The following GSDMB variants were observed in gnomAD, a reference collection of about 807,000 sequenced individuals.
GSDMB encodes the protein gasdermin B.
Under a neutral mutation model 42.9 loss-of-function variants are expected in GSDMB, and 32 were observed. The ratio of observed to expected loss-of-function variants is 0.75; its 90% CI spans 0.56 to 1.00. GSDMB has a LOEUF of 1.00. Ranked by LOEUF, GSDMB falls within the 50% of genes least tolerant of loss-of-function variation. The pLI is 0.00. For synonymous variants in GSDMB, 175 were observed against 193.7 expected (o/e 0.90, Z 0.80); for missense variants, 468 against 498.5 (o/e 0.94, Z 0.58).
At position 39,918,579 on chromosome 17, in the gene GSDMB, A is replaced by C. The variant is rs1315437131; in HGVS notation, c.-60T>G. On this transcript the variant is annotated 5_prime_UTR_variant, in exon 1 of 11. Coordinates refer to ENST00000418519, the MANE Select transcript of GSDMB (RefSeq NM_001165958.2). Reference sequence around the variant, plus strand: ...TTCACCAGAAATGGAAGTTGTGAGAATCCCCACAGATCTCTGCACAGTTCC... The same window carrying C: ...TTCACCAGAAATGGAAGTTGTGAGACTCCCCACAGATCTCTGCACAGTTCC... 1 of 152,352 alleles carries C rather than the reference A, an allele frequency of 6.6e-6. No homozygotes were observed. The highest frequency in any genetic ancestry group is 1.5e-5 in the Non-Finnish European group (1 of 68,092). 9.4% of individuals were successfully genotyped at this position (152,352 alleles called of 1,614,324 possible).
chr17:39,905,856 C>A lies in GSDMB; in HGVS notation c.1018G>T (p.Ala340Ser), dbSNP rs1466928660. The change falls in exon 9 of 11, where the codon GCC becomes TCC. Residue 340 changes from alanine to serine, a missense_variant. Ala to Ser is a moderately conservative substitution (Grantham distance 99). Transcript: ENST00000418519. ...RAKAILDFLD[A>S]LLELSEEQQF... The stretch of plus-strand genomic sequence containing the variant: ...CGAGACCCTTCCTCACCTAGCAGGG[C>A]ATCCAGGAAGTCCAGAATGGCTTTT... The A allele has an allele frequency of 3.1e-6, 5 of 1,613,838 alleles. No individual in the cohort carries two copies. The highest frequency in any genetic ancestry group is 4.2e-6 in the Non-Finnish European group (5 of 1,179,884).
chr17:39,908,275 G>A, intron 5 of GSDMB, 61 bp from the exon 6 acceptor site: 1 of 793,628 alleles, frequency 1.3e-6, no homozygotes, highest in Non-Finnish European at 2.1e-6. Context: ...TTATCACTCT[G>A]TAAGTTCCCT....
intron 2 of GSDMB, among the ~76,000 whole-genome samples, chr17:39,914,298 G>A (rs1285597847): frequency 6.6e-6 from 1 of 152,120 alleles, no homozygotes; most frequent in African/African-American, 2.4e-5. Flanking sequence ...ACAGAGGGAC[G>A]TTCTACAGTA....
chr17:39,906,901 C>T, intron 7 of GSDMB, 60 bp downstream of exon 7: 1 of 1,612,368 alleles, frequency 6.2e-7, no homozygotes. Flanking sequence ...AGTCTTGAGC[C>T]ACATGGACTC....
At chr17:39,906,574 G>C in intron 7 of GSDMB, 2 of 1,345,736 alleles carry the variant, frequency 1.5e-6, no homozygotes, top group Non-Finnish European at 9.5e-7. Flanking sequence ...TCAAAGTGCA[G>C]TCCTCAGGCC....
At chr17:39,911,835 G>A (rs1397469494) in intron 3 of GSDMB, among the ~76,000 whole-genome samples, 2 of 152,104 alleles carry the variant, frequency 1.3e-5, no homozygotes, top group African/African-American at 4.8e-5. Flanking sequence ...GAGAGCAAAG[G>A]AGAGTGCCTC....
chr17:39,909,037 T>C lies in GSDMB; in HGVS notation c.582A>G (p.Gln194=), dbSNP rs879331025. ...GATTTGGGGGGATGGTCACTTCCCT[T>C]TGGCCCTAGAAAAAGGAGCTCACAT... ...QGHLSYKHKG[Q]REVTIPPNRV... Residue 194 remains glutamine (Q), a synonymous_variant, in exon 5 of 11, where the codon CAA becomes CAG. Transcript: ENST00000418519. 1.9e-6 allele frequency: 3 copies of C among 1,591,882 alleles called. No homozygotes were observed. The highest frequency in any genetic ancestry group is 1.8e-5 in the Admixed American group (1 of 55,454).
Position 39,909,900 on chromosome 17 carries a change from A to G in GSDMB, c.432T>C (p.Phe144=). The change falls in exon 4 of 11, where the codon TTT becomes TTC. Residue 144 remains phenylalanine, a synonymous_variant. Transcript: ENST00000418519. The part of the protein sequence containing the change: ...ENRKLKRELP[F]SFRSINTREN... ...CTCTCGTATTAATTGATCGGAATGA[A>G]AAGGGTAGTTCCCTCTTCAGCTTCC... 1 of 1,613,938 alleles carries G rather than the reference A, an allele frequency of 6.2e-7. No homozygotes were observed. The highest frequency in any genetic ancestry group is 8.5e-7 in the Non-Finnish European group (1 of 1,179,800).
chr17:39,917,412 G>A, intron 1 of GSDMB, 82 bp from the exon 2 acceptor site: 1 of 817,360 alleles, frequency 1.2e-6, no homozygotes, highest in Admixed American at 2.0e-5. Context: ...GGCAGCCTGA[G>A]GTGTCAGGCC....
At chr17:39,909,404 A>C (rs1170430441) in intron 4 of GSDMB, 2 of 372,430 alleles carry the variant, frequency 5.4e-6, no homozygotes, top group Non-Finnish European at 9.7e-6. Context: ...GGAAATGTAC[A>C]AAGAAAATGA....
chr17:39,908,821 T>C, intron 5 of GSDMB, 137 bp downstream of exon 5: 1 of 684,722 alleles, frequency 1.5e-6, no homozygotes, highest in South Asian at 1.7e-5. Flanking sequence ...GAACCCACCC[T>C]TTTCCCTGGA....
rs1177728768 is a variant in GSDMB at position 39,906,469 on chromosome 17, C to G, written c.728-198G>C. 1.3e-5 allele frequency: 13 copies of G among 1,030,304 alleles called. 1 individual carries two copies. In the East Asian group the frequency reaches 3.5e-4, roughly 27 times the overall value. The allele number at this position is 1,030,304 out of a possible 1,614,324, so 63.8% of individuals were successfully genotyped here. On this transcript the variant is annotated intron_variant, in intron 7 of 10. Transcript: ENST00000418519. ...CTCCCACTGACCCCACTTCCATCTT[C>G]CATCTCCCCAGCTCACCCCCAGTCT...
chr17:39,906,060 C>T, intron 8 of GSDMB, 51 bp downstream of exon 8: 2 of 1,564,502 alleles, frequency 1.3e-6, no homozygotes, highest in Non-Finnish European at 8.8e-7. Context: ...AACTGCCATC[C>T]CCTCTGGCTC....
Position 39,917,294 on chromosome 17 carries a change from A to G in GSDMB, c.23T>C (p.Ile8Thr), listed in dbSNP as rs1330531631. Residue 8 changes from isoleucine (I) to threonine (T), a missense_variant, in exon 2 of 11, where the codon ATC becomes ACC. Ile to Thr is a moderately conservative substitution (Grantham distance 89). Transcript: ENST00000418519. ...CATCTCCTTAACTACAATTCTTGTGATTTCCTCAAATACGCTGAACATTGC... is the reference window on the plus strand; with the variant it reads ...CATCTCCTTAACTACAATTCTTGTGGTTTCCTCAAATACGCTGAACATTGC... MFSVFEE[I>T]TRIVVKEMDA... is the part of the protein sequence containing the mutation. 6.2e-7 allele frequency: 1 copy of G among 1,612,460 alleles called. No individual in the cohort carries two copies. The highest frequency in any genetic ancestry group is 8.5e-7 in the Non-Finnish European group (1 of 1,178,508).
chr17:39,916,220 T>C (rs1026682329), intron 2 of GSDMB, among the ~76,000 whole-genome samples: 2 of 151,924 alleles, frequency 1.3e-5, no homozygotes, highest in Non-Finnish European at 2.9e-5. Context: ...TAACTTTTAT[T>C]GGGTGCTCCT....
chr17:39,909,981 A>G (rs574842354), intron 3 of GSDMB, 57 bp from the exon 4 acceptor site: 42 of 1,341,754 alleles, frequency 3.1e-5, no homozygotes, highest in Non-Finnish European at 4.2e-5. Context: ...CCTCCCACTG[A>G]CTCTTTTCCC....
chr17:39,918,256 G>A (rs1211182072), intron 1 of GSDMB: 1 of 152,068 alleles, frequency 6.6e-6, no homozygotes, highest in Non-Finnish European at 1.5e-5. Flanking sequence ...CAAGGCAATT[G>A]GATGGGTGCC....
Position 39,912,419 on chromosome 17 carries a change from G to C in GSDMB, c.314C>G (p.Thr105Arg). Reference sequence around the variant, plus strand: ...GAAGCCCTGGAAACTGCCTGAAATTGTTATTTCTTTGGGTAATCTCACTAT... The same window carrying C: ...GAAGCCCTGGAAACTGCCTGAAATTCTTATTTCTTTGGGTAATCTCACTAT... ...ELIVRLPKEI[T>R]ISGSFQGFHH... The change falls in exon 3 of 11, where the codon ACA becomes AGA. Residue 105 changes from threonine to arginine, a missense_variant. Transcript: ENST00000418519. 5 of 1,612,374 alleles carry C rather than the reference G, an allele frequency of 3.1e-6. No homozygotes were observed. The highest frequency in any genetic ancestry group is 4.2e-6 in the Non-Finnish European group (5 of 1,178,470).
chr17:39,904,918 G>C lies in GSDMB; in HGVS notation c.1145C>G (p.Pro382Arg). Residue 382 changes from proline (P) to arginine (R), a missense_variant, in exon 11 of 11, where the codon CCT becomes CGT. Transcript: ENST00000418519. Reference sequence around the variant, plus strand: ...CTCAGGGTCATAGTCCATGTCAGGAGGACTGCTGGCCAGCTCATCCCAGTT... The same window carrying C: ...CTCAGGGTCATAGTCCATGTCAGGACGACTGCTGGCCAGCTCATCCCAGTT... ...EQNWDELASS[P>R]PDMDYDPEAR... 1 of 1,613,670 alleles carries C rather than the reference G, an allele frequency of 6.2e-7. No homozygotes were observed. Among genetic ancestry groups the C allele is most frequent in the Non-Finnish European group, 8.5e-7 (1 of 1,179,620 alleles).
Sources: gnomAD v4.1 joint callset for allele counts (sites outside exome capture counted in the v4.1 genomes callset) on GRCh38, gnomAD v4.1.1 for gene constraint, MANE v1.5 for transcripts, NCBI Gene and HGNC (gene_info 2026-07-23, HGNC 2026-07-21) for gene names.